KMT2C: variants seen among roughly 807,000 people sequenced by gnomAD.
KMT2C encodes the protein lysine methyltransferase 2C, also known as histone-lysine N-methyltransferase 2C.
KMT2C carries 88 observed loss-of-function variants against 507.9 expected under a neutral mutation model. The ratio of observed to expected loss-of-function variants is 0.17; its 90% CI spans 0.15 to 0.21. The LOEUF is 0.21. Among genes scored for constraint, KMT2C ranks in the 10% least tolerant of loss-of-function variants. The pLI is 1.00. For missense variants in KMT2C, 4,954 were observed against 5,957.8 expected (o/e 0.83, Z 5.55); for synonymous variants, 2,049 against 2,080.8 (o/e 0.98, Z 0.42).
chr7:152,255,122 TATATATATATATATATATATATAC>T (rs1183542332), intron 9 of KMT2C, among the ~76,000 whole-genome samples: 19 of 111,572 alleles, frequency 1.7e-4, no homozygotes, highest in Middle Eastern at 4.4e-3. Context: ...TATATATATA[TATATATATATATATATATATATAC>T]ATATATATAT....
In KMT2C at chr7:152,162,582, G is replaced by A. The variant is rs2129103861; in HGVS notation, c.10995C>T (p.Gly3665=). Residue 3665 remains glycine, a synonymous_variant, in exon 43 of 59, where the codon GGC becomes GGT. Transcript: ENST00000262189. Reference sequence around the variant, plus strand: ...CTGCTGCCATATTGGGAGTGGATGGGCCGACTGGTTCCACCGACTCTTGGT... The same window carrying A: ...CTGCTGCCATATTGGGAGTGGATGGACCGACTGGTTCCACCGACTCTTGGT... ...QADQESVEPV[G]PSTPNMAAGQ... 2.5e-6 allele frequency: 4 copies of A among 1,614,190 alleles called. No homozygotes were observed. The highest frequency in any genetic ancestry group is 3.4e-6 in the Non-Finnish European group (4 of 1,180,038).
intron 1 of KMT2C, among the ~76,000 whole-genome samples, chr7:152,371,137 G>C (rs2097290296): frequency 1.3e-5 from 2 of 152,154 alleles, no homozygotes; most frequent in African/African-American, 4.8e-5. Context: ...ACCTAAATCA[G>C]ATTTAAGTCT....
chr7:152,226,176 G>A (rs1485125722), intron 18 of KMT2C, among the ~76,000 whole-genome samples: 1 of 150,372 alleles, frequency 6.7e-6, no homozygotes, highest in East Asian at 1.9e-4. Context: ...TGCCTCAGAC[G>A]TGGAGGTAGA....
chr7:152,153,606 A>G (rs2091821267), intron 48 of KMT2C, among the ~76,000 whole-genome samples: 1 of 152,172 alleles, frequency 6.6e-6, no homozygotes, highest in Non-Finnish European at 1.5e-5. Flanking sequence ...TCACACATGT[A>G]GTCCCAGCTA....
intron 1 of KMT2C, among the ~76,000 whole-genome samples, chr7:152,394,992 AGTACCCGAAATAGG>A (rs1202395315): frequency 6.6e-6 from 1 of 152,168 alleles, no homozygotes; most frequent in African/African-American, 2.4e-5. Flanking sequence ...GAAGCTGCAA[AGTACCCGAAATAGG>A]GTACTGGTAG....
chr7:152,292,718 A>C (rs2096448183), intron 6 of KMT2C, among the ~76,000 whole-genome samples: 3 of 152,106 alleles, frequency 2.0e-5, no homozygotes, highest in Admixed American at 2.0e-4. Flanking sequence ...GTCCTAAATA[A>C]ACTTCTATAG....
intron 6 of KMT2C, among the ~76,000 whole-genome samples, chr7:152,274,214 TAA>T (rs2096033964): frequency 6.6e-6 from 1 of 152,150 alleles, no homozygotes; most frequent in Non-Finnish European, 1.5e-5. Flanking sequence ...AGGATTATTA[TAA>T]AGTTTTTAAA....
In KMT2C at chr7:152,183,119, T is replaced by C. The variant is rs1212965510; in HGVS notation, c.5120A>G (p.Asn1707Ser). The change falls in exon 35 of 59, where the codon AAT (asparagine) becomes AGT (serine). Residue 1707 changes from asparagine to serine, a missense_variant. Asn to Ser is a conservative substitution (Grantham distance 46). This residue lies in a region of KMT2C where 58 missense variants were observed against 63.3 expected (regional missense o/e 0.92). Coordinates refer to ENST00000262189, the MANE Select transcript of KMT2C (RefSeq NM_170606.3). ...ARDNRAALRINKVQMSNDSMK... is the reference protein window; with the variant it reads ...ARDNRAALRISKVQMSNDSMK... ...GGAATCATTTGACATCTGTACTTTATTAATGCGTAAAGCAGCTCTGTTATC... is the reference window on the plus strand; with the variant it reads ...GGAATCATTTGACATCTGTACTTTACTAATGCGTAAAGCAGCTCTGTTATC... The C allele has an allele frequency of 4.4e-6, 7 of 1,607,586 alleles. No homozygotes were observed. Among genetic ancestry groups the C allele is most frequent in the Non-Finnish European group, 5.1e-6 (6 of 1,178,088 alleles).
intron 6 of KMT2C, among the ~76,000 whole-genome samples, chr7:152,284,085 T>G (rs1460732674): frequency 6.6e-6 from 1 of 152,174 alleles, no homozygotes; most frequent in Non-Finnish European, 1.5e-5. Context: ...TTTTAATGAC[T>G]TTTTCAGTTA....
At chr7:152,389,506 G>A (rs1285188379) in intron 1 of KMT2C, among the ~76,000 whole-genome samples, 5 of 151,520 alleles carry the variant, frequency 3.3e-5, no homozygotes, top group Non-Finnish European at 7.4e-5. Context: ...ACCTGGTGGA[G>A]TGCAGTGGCA....
Position 152,139,262 on chromosome 7 carries a change from G to A in KMT2C, c.14461-3C>T, listed in dbSNP as rs775180056. 1.2e-6 allele frequency: 2 copies of A among 1,613,050 alleles called. No homozygotes were observed. Among genetic ancestry groups the A allele is most frequent in the Non-Finnish European group, 1.7e-6 (2 of 1,179,922 alleles). On this transcript the variant is annotated splice_region_variant and splice_polypyrimidine_tract_variant and intron_variant, in intron 56 of 58. Transcript: ENST00000262189. The stretch of plus-strand genomic sequence containing the variant: ...CGGAACATGTACACACCACGGTTCT[G>A]AGGGAAAAGTCAGTCAGTAAGTCAT...
chr7:152,238,609 A>C, intron 15 of KMT2C, 98 bp downstream of exon 15: 1 of 1,090,024 alleles, frequency 9.2e-7, no homozygotes. Context: ...GTTTCTTGGA[A>C]GCTCAATCTA....
chr7:152,331,477 C>T (rs2096882035), intron 2 of KMT2C, among the ~76,000 whole-genome samples: 1 of 151,550 alleles, frequency 6.6e-6, no homozygotes, highest in Non-Finnish European at 1.5e-5. Context: ...AGCATAGTGG[C>T]ACACACCTGT....
At chr7:152,242,348 C>T (rs2095402797) in intron 14 of KMT2C, among the ~76,000 whole-genome samples, 1 of 152,026 alleles carries the variant, frequency 6.6e-6, no homozygotes, top group Non-Finnish European at 1.5e-5. Context: ...AATGCCTCCA[C>T]CAGTAATAAC....
At chr7:152,286,818 G>A (rs2096306647) in intron 6 of KMT2C, among the ~76,000 whole-genome samples, 1 of 152,142 alleles carries the variant, frequency 6.6e-6, no homozygotes, top group Non-Finnish European at 1.5e-5. Flanking sequence ...AGTTGCTAGA[G>A]AAGCAGACAA....
Position 152,144,726 on chromosome 7 carries a change from C to T in KMT2C, c.14330G>A (p.Arg4777Gln), listed in dbSNP as rs750143621. The T allele has an allele frequency of 1.2e-6, 2 of 1,613,802 alleles. No individual in the cohort carries two copies. The highest frequency in any genetic ancestry group is 1.7e-5 in the Admixed American group (1 of 59,996). ...TEWKSNVYLA[R>Q]SRIQGLGLYA... ...GTATTTCTTCACCTGAATCCGAGACCGTGCCAGATACACATTGGATTTCCA... is the reference window on the plus strand; with the variant it reads ...GTATTTCTTCACCTGAATCCGAGACTGTGCCAGATACACATTGGATTTCCA... The change falls in exon 55 of 59, where the codon CGG becomes CAG. Residue 4777 changes from arginine to glutamine, a missense_variant. Arg to Gln is a conservative substitution (Grantham distance 43, BLOSUM62 1). Transcript: ENST00000262189. The surrounding 1 kb of genome is among the most constrained non-coding windows in gnomAD (Gnocchi z 4.4).
intron 38 of KMT2C, 130 bp downstream of exon 38, chr7:152,176,061 T>C (rs2093194312): frequency 1.0e-6 from 1 of 987,994 alleles, no homozygotes; most frequent in Non-Finnish European, 1.5e-6. Context: ...ACAAACAAAC[T>C]CCTCAAGGAG....
chr7:152,214,177 A>C (rs11977227), intron 23 of KMT2C, among the ~76,000 whole-genome samples: 6,182 of 152,114 alleles, frequency 0.041, 200 homozygotes, highest in East Asian at 0.17. Context: ...TAAAAAAAAA[A>C]AAACTACCAC....
chr7:152,314,063 T>A (rs2096699514), intron 4 of KMT2C, among the ~76,000 whole-genome samples: 1 of 152,120 alleles, frequency 6.6e-6, no homozygotes. Context: ...AACTGACAAC[T>A]AAAGAAAAAG....
Sources: allele counts gnomAD v4.1 joint callset (sites outside exome capture counted in the v4.1 genomes callset), GRCh38; gene constraint gnomAD v4.1.1; regional missense constraint gnomAD v4.1.1; non-coding constraint Gnocchi (gnomAD v3.1); transcripts MANE v1.5; gene names NCBI Gene and HGNC (gene_info 2026-07-23, HGNC 2026-07-21).